The following NAV3 variants were observed in gnomAD, a reference collection of about 807,000 sequenced individuals.
The protein encoded by NAV3 is pore membrane and/or filament interacting like protein 1.
A neutral mutation model predicts 244.7 loss-of-function variants in NAV3; 87 were observed. The ratio of observed to expected loss-of-function variants is 0.36; its 90% CI spans 0.30 to 0.42. NAV3 has a LOEUF of 0.42. Ranked by LOEUF, NAV3 falls within the 20% of genes least tolerant of loss-of-function variation. The pLI, the probability that NAV3 is intolerant of heterozygous loss-of-function variation, is 1.00. For missense variants in NAV3, 2,663 were observed against 2,893.3 expected, an observed-to-expected ratio of 0.92 and a Z score of 1.83; for synonymous variants, 1,126 against 1,042.2, an observed-to-expected ratio of 1.08 and a Z score of -1.55.
intron 9 of NAV3, among the ~76,000 whole-genome samples, chr12:78,045,659 C>T (rs1234274789): frequency 3.9e-5 from 6 of 152,108 alleles, no homozygotes; most frequent in East Asian, 1.9e-4. Flanking sequence ...ATTTTTACAT[C>T]GATGTTCATC....
intron 35 of NAV3, among the ~76,000 whole-genome samples, chr12:78,198,060 A>G (rs1187891659): frequency 1.3e-5 from 2 of 151,900 alleles, no homozygotes; most frequent in Non-Finnish European, 2.9e-5. Context: ...CTAAAGATTC[A>G]TTGTGGCATG....
chr12:77,709,129 G>C lies in NAV3; in HGVS notation c.72+136863G>C, dbSNP rs1875980254. ...ATGATCAAGTGGGCTTCATCCCTGG[G>C]ATGCAAGGCTGGTTCAACATATGCA... On this transcript the variant is annotated intron_variant, in intron 2 of 8. Transcript: ENST00000550042. Among the ~76,000 whole-genome samples, 3 of 152,072 alleles carry C rather than the reference G, an allele frequency of 2.0e-5. No homozygotes were observed. In the South Asian group the frequency reaches 6.2e-4, roughly 32 times the overall value.
rs2138615224 is a variant in NAV3 at position 78,119,508 on chromosome 12, G to T, written c.3312G>T (p.Gly1104=). The T allele has an allele frequency of 6.2e-7, 1 of 1,614,212 alleles. No homozygotes were observed. The highest frequency in any genetic ancestry group is 8.5e-7 in the Non-Finnish European group (1 of 1,180,040). ...TTCCAAAATCTGCTGCCATTGGCGGGAAGTCAAATGCAGGGAGAAAAACCA... is the reference window on the plus strand; with the variant it reads ...TTCCAAAATCTGCTGCCATTGGCGGTAAGTCAAATGCAGGGAGAAAAACCA... ...GKIPKSAAIG[G]KSNAGRKTSL... Residue 1104 remains glycine, a synonymous_variant, in exon 15 of 40, where the codon GGG becomes GGT. Transcript: ENST00000397909.
chr12:78,206,738 G>T (rs1960352737), intron 39 of NAV3, among the ~76,000 whole-genome samples: 1 of 151,942 alleles, frequency 6.6e-6, no homozygotes, highest in Non-Finnish European at 1.5e-5. Context: ...AAGAAACAGG[G>T]AGTTATGAGG....
chr12:77,983,158 G>T (rs576739044), intron 5 of NAV3, among the ~76,000 whole-genome samples: 1 of 152,272 alleles, frequency 6.6e-6, no homozygotes, highest in Non-Finnish European at 1.5e-5. Flanking sequence ...AAGTAAAATT[G>T]CTTTGAGAAA....
chr12:77,906,379 C>T (rs556925588), intron 1 of NAV3, among the ~76,000 whole-genome samples: 23 of 152,036 alleles, frequency 1.5e-4, no homozygotes, highest in Non-Finnish European at 2.8e-4. Flanking sequence ...TTAGGAAAGA[C>T]GAACCTCTGA....
Position 78,119,621 on chromosome 12 carries a change from C to CA in NAV3, c.3429dup (p.Ser1144IlefsTer20), listed in dbSNP as rs1428868448. 6.2e-7 allele frequency: 1 copy of CA among 1,614,160 alleles called. No individual in the cohort carries two copies. The highest frequency in any genetic ancestry group is 8.5e-7 in the Non-Finnish European group (1 of 1,180,036). ...CAATATCGCAGCTTGCCCCGCCCTT[C>CA]AAAATCCAGCACCAGTGGCATTCCT... On this transcript the variant is annotated frameshift_variant, in exon 15 of 40. Transcript: ENST00000397909. LOFTEE classifies it high-confidence loss of function.
chr12:78,181,162 A>C, intron 30 of NAV3, 117 bp downstream of exon 30: 1 of 899,850 alleles, frequency 1.1e-6, no homozygotes, highest in Admixed American at 2.7e-5. Flanking sequence ...AATTCTCAGA[A>C]ATAGTCCTAG....
chr12:77,646,116 C>T (rs1031871454), intron 2 of NAV3, among the ~76,000 whole-genome samples: 3 of 152,078 alleles, frequency 2.0e-5, no homozygotes, highest in Non-Finnish European at 4.4e-5. Flanking sequence ...GCTGGATAGT[C>T]TCTAGTCACT....
At chr12:77,580,222 ACACACAC>A (rs1565723068) in intron 2 of NAV3, among the ~76,000 whole-genome samples, 12 of 53,724 alleles carry the variant, frequency 2.2e-4, no homozygotes, top group South Asian at 5.1e-4. Flanking sequence ...GGGTGGGAAC[ACACACAC>A]ACACACACAC....
chr12:77,601,154 C>T (rs892440887), intron 2 of NAV3, among the ~76,000 whole-genome samples: 1 of 151,910 alleles, frequency 6.6e-6, no homozygotes, highest in African/African-American at 2.4e-5. Context: ...CAAATACCCT[C>T]TGATGTAGGG....
intron 39 of NAV3, among the ~76,000 whole-genome samples, chr12:78,208,052 A>G (rs1960507450): frequency 1.3e-5 from 2 of 152,144 alleles, no homozygotes; most frequent in Non-Finnish European, 2.9e-5. Flanking sequence ...GAGGCTGGGC[A>G]ATTTGTAAAG....
chr12:77,978,353 G>A (rs1340447728), intron 5 of NAV3, among the ~76,000 whole-genome samples: 3 of 152,022 alleles, frequency 2.0e-5, no homozygotes, highest in African/African-American at 7.2e-5. Flanking sequence ...TTTTATAACA[G>A]GACATTTTGA....
At chr12:77,884,602 C>T (rs1021090244) in intron 1 of NAV3, among the ~76,000 whole-genome samples, 86 of 152,258 alleles carry the variant, frequency 5.6e-4, no homozygotes, top group African/African-American at 2.0e-3. Flanking sequence ...TTTACCCTTC[C>T]TTTGCCTTTT....
At chr12:78,150,684 C>T (rs1233967981) in intron 22 of NAV3, among the ~76,000 whole-genome samples, 1 of 145,414 alleles carries the variant, frequency 6.9e-6, no homozygotes, top group Non-Finnish European at 1.5e-5. Context: ...CACACACATA[C>T]GGAACCAAAT....
chr12:77,756,977 A>T (rs1374494413), intron 2 of NAV3, among the ~76,000 whole-genome samples: 1 of 152,200 alleles, frequency 6.6e-6, no homozygotes, highest in Non-Finnish European at 1.5e-5. Flanking sequence ...TCCCATTTTC[A>T]ATTTATTCAG....
At chr12:77,648,269 A>T (rs901176678) in intron 2 of NAV3, among the ~76,000 whole-genome samples, 2 of 152,116 alleles carry the variant, frequency 1.3e-5, no homozygotes, top group Admixed American at 6.6e-5. Flanking sequence ...CTATAGTTAG[A>T]GACCTGATCT....
rs71088358 is a variant in NAV3, at chr12:78,092,491, C to CTTTTTTTT, written c.2637-24262_2637-24255dup. Among the ~76,000 whole-genome samples the CTTTTTTTT allele has an allele frequency of 9.7e-4, 62 of 64,034 alleles. 5 individuals carry two copies. The highest frequency in any genetic ancestry group is 1.6e-3 in the Non-Finnish European group (52 of 32,538). 42.0% of individuals were successfully genotyped at this position (64,034 alleles called of 152,430 possible). Reference sequence around the variant, plus strand: ...ACCCTTTGAAAGCGTTAGTTATTTTCTTTTTTTTTTTTTTTTTTTTTTTTT... The same window carrying CTTTTTTTT: ...ACCCTTTGAAAGCGTTAGTTATTTTCTTTTTTTTTTTTTTTTTTTTTTTTTTTTTTTTT... On this transcript the variant is annotated intron_variant, in intron 12 of 39. Coordinates refer to ENST00000397909, the MANE Select transcript of NAV3 (RefSeq NM_001024383.2).
chr12:77,604,509 T>C (rs1361703000), intron 2 of NAV3, among the ~76,000 whole-genome samples: 1 of 151,890 alleles, frequency 6.6e-6, no homozygotes, highest in African/African-American at 2.4e-5. Flanking sequence ...ATAAATATTT[T>C]ATATATAAGT....
Sources: gnomAD v4.1 joint callset for allele counts (sites outside exome capture counted in the v4.1 genomes callset) on GRCh38, gnomAD v4.1.1 for gene constraint, MANE v1.5 for transcripts, NCBI Gene and HGNC (gene_info 2026-07-23, HGNC 2026-07-21) for gene names.